Variants in CLPB observed in about 807,000 individuals in gnomAD.
CLPB encodes the protein mitochondrial disaggregase.
Under a neutral mutation model 78.4 loss-of-function variants are expected in CLPB, and 40 were observed. The ratio of observed to expected loss-of-function variants is 0.51; its 90% confidence interval spans 0.40 to 0.66. CLPB has a LOEUF of 0.66. CLPB is among the 30% of genes least tolerant of loss of function. The pLI, the probability that CLPB is intolerant of heterozygous loss-of-function variation, is 0.00. For synonymous variants in CLPB, 333 were observed against 348.0 expected (o/e 0.96, Z 0.48); for missense variants, 780 against 886.9 (o/e 0.88, Z 1.53).
At chr11:72,407,223 T>C (rs1294776567) in intron 2 of CLPB, among the ~76,000 whole-genome samples, 1 of 152,214 alleles carries the variant, frequency 6.6e-6, no homozygotes, top group Non-Finnish European at 1.5e-5. Flanking sequence ...CATAGTTGAT[T>C]TGACTAAATA....
At chr11:72,320,723 A>G (rs1433489982) in intron 6 of CLPB, among the ~76,000 whole-genome samples, 1 of 152,054 alleles carries the variant, frequency 6.6e-6, no homozygotes, top group Non-Finnish European at 1.5e-5. Flanking sequence ...TTATATATAT[A>G]TATTTTTTGA....
At chr11:72,424,776 C>T (rs1455071049) in intron 2 of CLPB, among the ~76,000 whole-genome samples, 1 of 152,100 alleles carries the variant, frequency 6.6e-6, no homozygotes, top group East Asian at 1.9e-4. Context: ...GTCCCAGCTA[C>T]TCGGGAGGCT....
chr11:72,386,094 T>C (rs957088786), intron 3 of CLPB, among the ~76,000 whole-genome samples: 1 of 152,260 alleles, frequency 6.6e-6, no homozygotes, highest in Non-Finnish European at 1.5e-5. Context: ...TAGCAAAGTA[T>C]GCTGTATGAG....
At chr11:72,392,972 G>A (rs1855297532) in intron 3 of CLPB, among the ~76,000 whole-genome samples, 1 of 152,176 alleles carries the variant, frequency 6.6e-6, no homozygotes, top group East Asian at 1.9e-4. Context: ...AGCAAAGCAG[G>A]TCATAGCAGC....
chr11:72,310,521 G>A (rs1043627389), intron 7 of CLPB, among the ~76,000 whole-genome samples: 5 of 152,204 alleles, frequency 3.3e-5, no homozygotes, highest in African/African-American at 1.2e-4. Context: ...ACAGAAACAG[G>A]GAGCTGAGAG....
chr11:72,426,380 C>T (rs1044810349), intron 2 of CLPB, among the ~76,000 whole-genome samples: 2 of 152,196 alleles, frequency 1.3e-5, no homozygotes, highest in Non-Finnish European at 2.9e-5. Context: ...CCCTAGGTTT[C>T]GGGTGAGCAG....
At chr11:72,350,173 G>T (rs1950588989) in intron 5 of CLPB, among the ~76,000 whole-genome samples, 1 of 152,184 alleles carries the variant, frequency 6.6e-6, no homozygotes, top group African/African-American at 2.4e-5. Context: ...AAGGGCTGAG[G>T]GTAGGACTTA....
intron 4 of CLPB, among the ~76,000 whole-genome samples, chr11:72,371,389 C>T (rs1183896249): frequency 6.6e-6 from 1 of 151,768 alleles, no homozygotes; most frequent in Non-Finnish European, 1.5e-5. Flanking sequence ...TTTTGCCAGG[C>T]ATGGTGGCAC....
At chr11:72,382,861 C>T (rs1160701228) in intron 3 of CLPB, among the ~76,000 whole-genome samples, 1 of 151,946 alleles carries the variant, frequency 6.6e-6, no homozygotes, top group African/African-American at 2.4e-5. Flanking sequence ...CAGTAACCAA[C>T]CCTAAAGAAA....
At position 72,288,215 on chromosome 11, in the gene CLPB, C is replaced by G. The variant is rs556720000; in HGVS notation, c.*5152G>C. 15 of 152,248 alleles carry G rather than the reference C, an allele frequency of 9.9e-5. No homozygotes were observed. Among genetic ancestry groups the G allele is most frequent in the African/African-American group, 3.1e-4 (13 of 41,550 alleles). 9.4% of individuals were successfully genotyped at this position (152,248 alleles called of 1,614,324 possible). A position where few individuals can be genotyped will look rare whatever the true frequency, so the allele number is the denominator to read the frequency against. On this transcript the variant is annotated 3_prime_UTR_variant, in exon 16 of 16. Transcript: ENST00000538039. ...TCAATAAGGAATTTGGGGCCGGGTA[C>G]AGTCGTTGACGCTTGTAATCTCAGC...
chr11:72,313,960 A>G (rs1284451665), intron 7 of CLPB, among the ~76,000 whole-genome samples: 1 of 152,242 alleles, frequency 6.6e-6, no homozygotes, highest in Non-Finnish European at 1.5e-5. Flanking sequence ...TGGAACTGCA[A>G]GCAGTTTTGT....
rs544318229 is a variant in CLPB at position 72,321,254 on chromosome 11, G to A, written c.874-4034C>T. 2.0e-5 allele frequency among the ~76,000 whole-genome samples: 3 copies of A among 152,236 alleles called. No individual in the cohort carries two copies. The South Asian group carries it at 6.2e-4, about 32-fold the overall frequency. The stretch of plus-strand genomic sequence containing the variant: ...TCCACTAGAGAAGAAGAGAAGGCAG[G>A]AATTCAGCCTGCAGAAGCAGAGGGC... On this transcript the variant is annotated intron_variant, in intron 6 of 15. Coordinates refer to ENST00000538039, the MANE Select transcript of CLPB (RefSeq NM_001258392.3).
At chr11:72,432,068 C>T (rs551359243) in intron 1 of CLPB, among the ~76,000 whole-genome samples, 8 of 152,274 alleles carry the variant, frequency 5.3e-5, no homozygotes, top group Admixed American at 2.6e-4. Context: ...TTCCAACACC[C>T]TCACCTACCC....
rs7938203 is a variant in CLPB, at chr11:72,329,786, C to T, written c.794G>A (p.Arg265Lys). ...CAAGGGTGTGTGTCCCATTTCATTC[C>T]TCTGCAGGGGGTTGGCTCCTGGCAA... is the stretch of plus-strand genomic sequence containing the variant. ...LLDGGANPLQ[R>K]NEMGHTPLDY... The change falls in exon 6 of 16, where the codon AGG (arginine) becomes AAG (lysine). Residue 265 changes from arginine to lysine, a missense_variant. By Grantham distance (26) the Arg-to-Lys change is conservative (BLOSUM62 2). This residue lies in a region of CLPB where 417 missense variants were observed against 414.7 expected (regional missense o/e 1.01). Coordinates refer to ENST00000538039, the MANE Select transcript of CLPB (RefSeq NM_001258392.3). The T allele has an allele frequency of 6.2e-7, 1 of 1,613,698 alleles. No individual in the cohort carries two copies. Among genetic ancestry groups the T allele is most frequent in the Non-Finnish European group, 8.5e-7 (1 of 1,179,854 alleles).
At chr11:72,378,709 T>C (rs1327119550) in intron 4 of CLPB, among the ~76,000 whole-genome samples, 1 of 152,176 alleles carries the variant, frequency 6.6e-6, no homozygotes, top group Non-Finnish European at 1.5e-5. Flanking sequence ...AGTCCCCACA[T>C]ATCAGGCTGC....
intron 5 of CLPB, chr11:72,354,453 T>A: frequency 2.5e-6 from 1 of 397,664 alleles, no homozygotes; most frequent in Non-Finnish European, 4.4e-6. Flanking sequence ...GCCGGTGGGA[T>A]CACATCCCTG....
chr11:72,388,916 C>T (rs1421348583), intron 3 of CLPB, among the ~76,000 whole-genome samples: 6 of 152,096 alleles, frequency 3.9e-5, no homozygotes, highest in African/African-American at 1.4e-4. Flanking sequence ...ATGGTGAAAA[C>T]GGGCTCAGCA....
At chr11:72,411,535 G>C (rs1461932450) in intron 2 of CLPB, among the ~76,000 whole-genome samples, 1 of 152,180 alleles carries the variant, frequency 6.6e-6, no homozygotes, top group Non-Finnish European at 1.5e-5. Flanking sequence ...TTCTAAATAT[G>C]TGTAGCATCA....
At chr11:72,357,725 A>G (rs1466010971) in intron 5 of CLPB, among the ~76,000 whole-genome samples, 2 of 149,406 alleles carry the variant, frequency 1.3e-5, no homozygotes, top group Non-Finnish European at 3.0e-5. Context: ...AAAAAAAAAA[A>G]GGTTTCAACC....
Sources: allele counts gnomAD v4.1 joint callset (sites outside exome capture counted in the v4.1 genomes callset), GRCh38; gene constraint gnomAD v4.1.1; regional missense constraint gnomAD v4.1.1; transcripts MANE v1.5; gene names NCBI Gene and HGNC (gene_info 2026-07-23, HGNC 2026-07-21).